Variants in ZNF423 observed in about 807,000 individuals in gnomAD.
ZNF423 encodes zinc finger protein 423.
Under a neutral mutation model 95.8 loss-of-function variants are expected in ZNF423, and 12 were observed. That is an observed-to-expected ratio of 0.13 (90% CI 0.08 to 0.20). ZNF423 has a LOEUF of 0.20. ZNF423 is among the 10% of genes least tolerant of loss of function. ZNF423 has a pLI of 1.00. For missense variants in ZNF423, 1,316 were observed against 1,737.1 expected, an observed-to-expected ratio of 0.76 and a Z score of 4.31; for synonymous variants, 749 against 711.9, an observed-to-expected ratio of 1.05 and a Z score of -0.83.
intron 7 of ZNF423, among the ~76,000 whole-genome samples, chr16:49,510,237 A>G (rs1394480737): frequency 6.6e-6 from 1 of 152,120 alleles, no homozygotes; most frequent in Non-Finnish European, 1.5e-5. Context: ...CCCCACAGTA[A>G]CCCTCCAAGA....
chr16:49,649,547 T>G (rs776477910), intron 3 of ZNF423, among the ~76,000 whole-genome samples: 1 of 152,106 alleles, frequency 6.6e-6, no homozygotes, highest in Admixed American at 6.6e-5. Context: ...CCAGCATTCT[T>G]AGGTTTCTAT....
intron 3 of ZNF423, among the ~76,000 whole-genome samples, chr16:49,710,535 CAGA>C (rs2032510183): frequency 6.6e-6 from 1 of 152,192 alleles, no homozygotes; most frequent in African/African-American, 2.4e-5. Flanking sequence ...CACCAGGCGG[CAGA>C]AGTAGTGAGG....
At chr16:49,511,342 T>C (rs1231344466) in intron 7 of ZNF423, among the ~76,000 whole-genome samples, 2 of 152,180 alleles carry the variant, frequency 1.3e-5, no homozygotes, top group Non-Finnish European at 2.9e-5. Flanking sequence ...CCCAGAGACC[T>C]ACCCTTGGCT....
At chr16:49,815,903 TA>T (rs1567356413) in intron 1 of ZNF423, among the ~76,000 whole-genome samples, 36 of 46,422 alleles carry the variant, frequency 7.8e-4, no homozygotes, top group South Asian at 2.1e-3. Context: ...TATATATATA[TA>T]TATATATATA....
chr16:49,741,303 T>G (rs2033410019), intron 2 of ZNF423, among the ~76,000 whole-genome samples: 1 of 151,736 alleles, frequency 6.6e-6, no homozygotes, highest in South Asian at 2.1e-4. Flanking sequence ...GAGACCAGCA[T>G]GGCCAACATG....
At chr16:49,694,543 G>GC (rs1452071048) in intron 3 of ZNF423, among the ~76,000 whole-genome samples, 1 of 152,176 alleles carries the variant, frequency 6.6e-6, no homozygotes. Context: ...TGGAAATCAT[G>GC]CCCCCCGCCC....
chr16:49,818,330 C>T (rs1276143568), intron 1 of ZNF423, among the ~76,000 whole-genome samples: 1 of 152,174 alleles, frequency 6.6e-6, no homozygotes, highest in Non-Finnish European at 1.5e-5. Context: ...ATCTGCATTG[C>T]TACCAAGTTC....
intron 1 of ZNF423, among the ~76,000 whole-genome samples, chr16:49,823,471 C>G (rs769606811): frequency 1.3e-5 from 2 of 152,198 alleles, no homozygotes; most frequent in African/African-American, 2.4e-5. Flanking sequence ...CGAGGGTGCA[C>G]AGCTAGCTGG....
chr16:49,847,706 C>A (rs1044211377), intron 1 of ZNF423: 15 of 148,906 alleles, frequency 1.0e-4, no homozygotes, highest in African/African-American at 3.5e-4. Context: ...GCCTGGATGA[C>A]CTCCTCTGGG....
upstream of ZNF423, among the ~76,000 whole-genome samples, chr16:49,856,711 G>C (rs1036538181): frequency 1.3e-5 from 2 of 148,580 alleles, no homozygotes; most frequent in African/African-American, 4.9e-5. Flanking sequence ...TCAGGCGGCG[G>C]CCGGCAGGCG....
rs546686447 is a variant in ZNF423, at chr16:49,609,647, T to C, written c.3601+16523A>G. On this transcript the variant is annotated intron_variant, in intron 5 of 7. Coordinates refer to ENST00000563137, the MANE Select transcript of ZNF423 (RefSeq NM_001379286.1). ...AGAGAGAAGAGAAAAAAAGAATCAG[T>C]GAAATAGGAGATAGAATAATAAAAA... 2.0e-5 allele frequency among the ~76,000 whole-genome samples: 3 copies of C among 150,986 alleles called. No individual in the cohort carries two copies. In the South Asian group the frequency reaches 6.3e-4, roughly 32 times the overall value.
At chr16:49,824,049 A>G (rs2034978046) in intron 1 of ZNF423, among the ~76,000 whole-genome samples, 1 of 152,246 alleles carries the variant, frequency 6.6e-6, no homozygotes, top group Non-Finnish European at 1.5e-5. Flanking sequence ...ACGGCACTCC[A>G]GCCTCGATGA....
At chr16:49,672,653 T>C (rs2030865965) in intron 3 of ZNF423, among the ~76,000 whole-genome samples, 1 of 151,986 alleles carries the variant, frequency 6.6e-6, no homozygotes, top group African/African-American at 2.4e-5. Flanking sequence ...CTGTCTCTAC[T>C]AAAAATACAA....
At chr16:49,709,168 T>TTATATATATATA (rs534895949) in intron 3 of ZNF423, among the ~76,000 whole-genome samples, 1,289 of 93,424 alleles carry the variant, frequency 0.014, 49 homozygotes, top group African/African-American at 0.061. Flanking sequence ...CAGCAGCCGT[T>TTATATATATATA]TATATATATA....
intron 3 of ZNF423, among the ~76,000 whole-genome samples, chr16:49,677,420 G>C (rs1461538317): frequency 1.5e-5 from 2 of 136,738 alleles, no homozygotes; most frequent in Admixed American, 1.5e-4. Context: ...TGGAAGGGAA[G>C]GAAGGAAGGA....
chr16:49,517,107 A>C (rs1440482731), intron 7 of ZNF423, among the ~76,000 whole-genome samples: 1 of 152,250 alleles, frequency 6.6e-6, no homozygotes, highest in Admixed American at 6.5e-5. Flanking sequence ...GGGACCAGGC[A>C]GTCTTAGAGA....
intron 2 of ZNF423, among the ~76,000 whole-genome samples, chr16:49,755,114 G>A (rs990347982): frequency 3.3e-5 from 5 of 152,164 alleles, no homozygotes; most frequent in African/African-American, 9.7e-5. Context: ...GGCTGGGAGC[G>A]GTCAAGCCCT....
intron 5 of ZNF423, among the ~76,000 whole-genome samples, chr16:49,606,597 TA>T (rs903375782): frequency 2.0e-5 from 3 of 152,048 alleles, no homozygotes; most frequent in African/African-American, 7.2e-5. Context: ...AACCTGTGGA[TA>T]GGGGTCTCAG....
chr16:49,755,039 C>T (rs2033700588), intron 2 of ZNF423, among the ~76,000 whole-genome samples: 1 of 152,206 alleles, frequency 6.6e-6, no homozygotes, highest in Non-Finnish European at 1.5e-5. Context: ...GGCAGCGGCA[C>T]GCTCTCCCCT....
Sources: gnomAD v4.1 joint callset for allele counts (sites outside exome capture counted in the v4.1 genomes callset) on GRCh38, gnomAD v4.1.1 for gene constraint, MANE v1.5 for transcripts, NCBI Gene and HGNC (gene_info 2026-07-23, HGNC 2026-07-21) for gene names.